SPOCK1: variants seen among roughly 807,000 people sequenced by gnomAD.
SPOCK1 encodes testican-1.
SPOCK1 carries 23 observed loss-of-function variants against 55.3 expected under a neutral mutation model. The observed-to-expected ratio is 0.42, with a 90% CI of 0.30 to 0.59. The LOEUF is 0.59. Among genes scored for constraint, SPOCK1 ranks in the 20% least tolerant of loss-of-function variants. The pLI, the probability that SPOCK1 is intolerant of heterozygous loss-of-function variation, is 0.22. For missense variants in SPOCK1, 499 were observed against 552.5 expected, an observed-to-expected ratio of 0.90 and a Z score of 0.97; for synonymous variants, 226 against 221.0, an observed-to-expected ratio of 1.02 and a Z score of -0.20.
intron 9 of SPOCK1, among the ~76,000 whole-genome samples, chr5:136,981,432 T>TTTTA (rs1240042864): frequency 4.6e-5 from 7 of 152,126 alleles, no homozygotes; most frequent in Non-Finnish European, 8.8e-5. Context: ...ATCTAGTTAA[T>TTTTA]TTTATTTTGA....
intron 6 of SPOCK1, among the ~76,000 whole-genome samples, chr5:137,054,707 A>AGTT (rs1295179316): frequency 6.6e-6 from 1 of 152,234 alleles, no homozygotes; most frequent in African/African-American, 2.4e-5. Context: ...CATATGGAGA[A>AGTT]TAAACAACTC....
At chr5:137,040,834 A>T (rs1364187283) in intron 6 of SPOCK1, among the ~76,000 whole-genome samples, 1 of 152,194 alleles carries the variant, frequency 6.6e-6, no homozygotes, top group East Asian at 1.9e-4. Context: ...GCTCATCAAG[A>T]TGGTCATGCC....
At chr5:137,312,668 C>G (rs148077538) in intron 2 of SPOCK1, among the ~76,000 whole-genome samples, 2 of 152,152 alleles carry the variant, frequency 1.3e-5, no homozygotes, top group Non-Finnish European at 1.5e-5. Flanking sequence ...TCAGGAGCAG[C>G]AGGCCCATCC....
At chr5:137,419,587 A>G (rs1239248381) in intron 2 of SPOCK1, among the ~76,000 whole-genome samples, 1 of 152,084 alleles carries the variant, frequency 6.6e-6, no homozygotes, top group Non-Finnish European at 1.5e-5. Context: ...TTCACTCATG[A>G]TTTGGCTCTC....
At chr5:137,231,361 A>G (rs1756060111) in intron 3 of SPOCK1, among the ~76,000 whole-genome samples, 1 of 152,088 alleles carries the variant, frequency 6.6e-6, no homozygotes, top group African/African-American at 2.4e-5. Context: ...TCACCCTTTT[A>G]TAACCCACCC....
intron 2 of SPOCK1, among the ~76,000 whole-genome samples, chr5:137,286,648 A>G (rs1757272216): frequency 1.3e-5 from 2 of 152,186 alleles, no homozygotes; most frequent in Admixed American, 1.3e-4. Context: ...GCAGCCTAGA[A>G]CAGCAAAGGG....
At chr5:137,046,420 G>A (rs987603987) in intron 6 of SPOCK1, among the ~76,000 whole-genome samples, 2 of 152,014 alleles carry the variant, frequency 1.3e-5, no homozygotes, top group Non-Finnish European at 1.5e-5. Context: ...GTGAATGGGA[G>A]TTCACTCATG....
At chr5:137,469,215 T>C (rs1406633363) in intron 2 of SPOCK1, among the ~76,000 whole-genome samples, 3 of 152,220 alleles carry the variant, frequency 2.0e-5, no homozygotes, top group Admixed American at 6.5e-5. Context: ...AGCTGTGGGC[T>C]TGATACAAAG....
chr5:136,989,345 G>T (rs925029173), intron 7 of SPOCK1, among the ~76,000 whole-genome samples: 1 of 152,162 alleles, frequency 6.6e-6, no homozygotes, highest in African/African-American at 2.4e-5. Flanking sequence ...ATAACACTTA[G>T]CTCAACACTC....
chr5:137,410,376 C>G (rs772534693), intron 2 of SPOCK1, among the ~76,000 whole-genome samples: 2 of 152,160 alleles, frequency 1.3e-5, no homozygotes, highest in Non-Finnish European at 2.9e-5. Flanking sequence ...TAAGGGGAAC[C>G]AGCCCTTGGA....
intron 2 of SPOCK1, among the ~76,000 whole-genome samples, chr5:137,402,462 T>C (rs1232988849): frequency 6.6e-6 from 1 of 152,256 alleles, no homozygotes; most frequent in Non-Finnish European, 1.5e-5. Context: ...GAGATGTGTT[T>C]TGTGTCACTT....
intron 6 of SPOCK1, among the ~76,000 whole-genome samples, chr5:136,995,742 A>G (rs1751028478): frequency 6.6e-6 from 1 of 152,198 alleles, no homozygotes; most frequent in Non-Finnish European, 1.5e-5. Context: ...TCTTTACAAG[A>G]CTGCTAGATT....
chr5:137,134,863 C>T (rs934492018), intron 4 of SPOCK1, among the ~76,000 whole-genome samples: 1 of 152,244 alleles, frequency 6.6e-6, no homozygotes, highest in Non-Finnish European at 1.5e-5. Flanking sequence ...TTCTCTCTGA[C>T]CTCGAACACT....
chr5:137,256,174 T>C (rs1035424457), intron 3 of SPOCK1, among the ~76,000 whole-genome samples: 3 of 152,152 alleles, frequency 2.0e-5, no homozygotes, highest in Non-Finnish European at 4.4e-5. Context: ...GTATGAGACT[T>C]GTGCATGTGT....
intron 5 of SPOCK1, among the ~76,000 whole-genome samples, chr5:137,105,654 G>GA (rs1306791327): frequency 6.6e-6 from 1 of 152,118 alleles, no homozygotes; most frequent in Non-Finnish European, 1.5e-5. Flanking sequence ...AGATGCCTCT[G>GA]AAAAAATAAT....
chr5:137,118,030 A>T (rs1753620892), intron 4 of SPOCK1, among the ~76,000 whole-genome samples: 1 of 152,238 alleles, frequency 6.6e-6, no homozygotes, highest in Admixed American at 6.5e-5. Context: ...CATGCAGCCT[A>T]GAGCAAAAAT....
chr5:137,242,437 C>T (rs1210013449), intron 3 of SPOCK1, among the ~76,000 whole-genome samples: 2 of 152,208 alleles, frequency 1.3e-5, no homozygotes, highest in Non-Finnish European at 2.9e-5. Flanking sequence ...TCCTCCTTCG[C>T]CTTCTGCCAT....
intron 2 of SPOCK1, among the ~76,000 whole-genome samples, chr5:137,394,892 G>A (rs1751808468): frequency 1.3e-5 from 2 of 152,224 alleles, no homozygotes; most frequent in African/African-American, 4.8e-5. Context: ...CTGGAACTGT[G>A]TGAAAAATAC....
At chr5:137,243,424 C>T (rs943168288) in intron 3 of SPOCK1, among the ~76,000 whole-genome samples, 5 of 151,980 alleles carry the variant, frequency 3.3e-5, no homozygotes, top group African/African-American at 1.2e-4. Context: ...AAGACATCAT[C>T]GAGAAGATAA....
Sources: allele counts gnomAD v4.1 joint callset (sites outside exome capture counted in the v4.1 genomes callset), GRCh38; gene constraint gnomAD v4.1.1; transcripts MANE v1.5; gene names NCBI Gene and HGNC (gene_info 2026-07-23, HGNC 2026-07-21).